The following UGT1A1 variants were observed in gnomAD, a reference collection of about 807,000 sequenced individuals.
UGT1A1 encodes the protein UDP glucuronosyltransferase family 1 member A1.
A neutral mutation model predicts 40.6 loss-of-function variants in UGT1A1; 33 were observed. The observed-to-expected ratio is 0.81, with a 90% confidence interval of 0.62 to 1.09. UGT1A1 has a LOEUF of 1.09. Ranked by LOEUF, UGT1A1 falls within the 50% of genes least tolerant of loss-of-function variation. The pLI is 0.00. For missense variants in UGT1A1, 694 were observed against 671.2 expected, an observed-to-expected ratio of 1.03 and a Z score of -0.38; for synonymous variants, 249 against 265.0, an observed-to-expected ratio of 0.94 and a Z score of 0.59.
At chr2:233,765,738 C>T (rs1341217365) in intron 1 of UGT1A1, among the ~76,000 whole-genome samples, 1 of 147,306 alleles carries the variant, frequency 6.8e-6, no homozygotes, top group Non-Finnish European at 1.5e-5. Flanking sequence ...AATAAATAAA[C>T]CCATAAAGCC....
chr2:233,765,641 G>GGTCA (rs1313587077), intron 1 of UGT1A1, among the ~76,000 whole-genome samples: 3 of 151,492 alleles, frequency 2.0e-5, no homozygotes, highest in Non-Finnish European at 2.9e-5. Flanking sequence ...TTAGAGGATA[G>GGTCA]GTCAATAGGT....
intron 1 of UGT1A1, among the ~76,000 whole-genome samples, chr2:233,763,291 T>C (rs1222576175): frequency 6.6e-6 from 1 of 152,232 alleles, no homozygotes; most frequent in Non-Finnish European, 1.5e-5. Context: ...AAATTCCACT[T>C]TTTGGATATT....
At chr2:233,767,789 A>T (rs1699484858) in intron 2 of UGT1A1, 60 bp from the exon 3 acceptor site, 5 of 1,613,778 alleles carry the variant, frequency 3.1e-6, no homozygotes, top group Non-Finnish European at 4.2e-6. Context: ...AGTATAGCAG[A>T]TTTGTTTTCT....
chr2:233,763,526 C>T (rs17864704), intron 1 of UGT1A1, among the ~76,000 whole-genome samples: 1 of 152,330 alleles, frequency 6.6e-6, no homozygotes, highest in Non-Finnish European at 1.5e-5. Flanking sequence ...TTGCCATTCT[C>T]CTTTTTCCGG....
rs754549295 is a variant in UGT1A1, at chr2:233,768,434, C to A, written c.1299C>A (p.Asp433Glu). 1 of 1,613,634 alleles carries A rather than the reference C, an allele frequency of 6.2e-7. No individual in the cohort carries two copies. Among genetic ancestry groups the A allele is most frequent in the Non-Finnish European group, 8.5e-7 (1 of 1,179,838 alleles). Residue 433 changes from aspartate (D) to glutamate (E), a missense_variant, in exon 4 of 5, where the codon GAC becomes GAA. Coordinates refer to ENST00000305208, the MANE Select transcript of UGT1A1 (RefSeq NM_000463.3). ...LENALKAVIN[D>E]KSYKENIMRL... The stretch of plus-strand genomic sequence containing the variant: ...ATGCTCTAAAAGCAGTCATCAATGA[C>A]AAAAGGTAAGAAAGAAGATACAGAA...
chr2:233,772,831 T>TCACACAAGAAAGCCAGCAAGGAAGCAAGG lies in UGT1A1; in HGVS notation c.*273_*274insACACAAGAAAGCCAGCAAGGAAGCAAGGC. On this transcript the variant is annotated 3_prime_UTR_variant, in exon 5 of 5. Coordinates refer to ENST00000305208, the MANE Select transcript of UGT1A1 (RefSeq NM_000463.3). ...AGAGGACGTGCAGACAGGCTGGCAT[T>TCACACAAGAAAGCCAGCAAGGAAGCAAGG]CTAGATTACTTTTCTTACTCTGAAA... The TCACACAAGAAAGCCAGCAAGGAAGCAAGG allele has an allele frequency of 4.5e-6, 4 of 893,952 alleles. No individual in the cohort carries two copies. Among genetic ancestry groups the TCACACAAGAAAGCCAGCAAGGAAGCAAGG allele is most frequent in the Non-Finnish European group, 6.2e-6 (4 of 642,656 alleles). 55.4% of individuals were successfully genotyped at this position (893,952 alleles called of 1,614,324 possible).
chr2:233,762,058 G>A (rs1697953737), intron 1 of UGT1A1, among the ~76,000 whole-genome samples: 2 of 151,982 alleles, frequency 1.3e-5, no homozygotes, highest in Non-Finnish European at 2.9e-5. Context: ...TTCCTTCATA[G>A]CACATCAAAT....
chr2:233,767,877 CA>C lies in UGT1A1; in HGVS notation c.1026del (p.Ser343ArgfsTer23). On this transcript the variant is annotated frameshift_variant, in exon 3 of 5. Coordinates refer to ENST00000305208, the MANE Select transcript of UGT1A1 (RefSeq NM_000463.3). LOFTEE classifies it high-confidence loss of function. ...TVLWRYTGTR[P>X]SNLANNTILV... Reference sequence around the variant, plus strand: ...CTGTGGCGGTACACTGGAACCCGACCATCGAATCTTGCGAACAACACGATAC... The same window carrying C: ...CTGTGGCGGTACACTGGAACCCGACCTCGAATCTTGCGAACAACACGATAC... 6.2e-7 allele frequency: 1 copy of C among 1,614,140 alleles called. No homozygotes were observed. The highest frequency in any genetic ancestry group is 8.5e-7 in the Non-Finnish European group (1 of 1,180,040).
intron 1 of UGT1A1, among the ~76,000 whole-genome samples, chr2:233,765,334 TAAC>T (rs1239541467): frequency 6.6e-6 from 1 of 152,144 alleles, no homozygotes; most frequent in African/African-American, 2.4e-5. Flanking sequence ...CTATTCACAA[TAAC>T]AAAGTCATGG....
At chr2:233,767,265 T>G in intron 2 of UGT1A1, 100 bp downstream of exon 2, 2 of 1,588,600 alleles carry the variant, frequency 1.3e-6, no homozygotes. Flanking sequence ...GAACCTTAGA[T>G]TTGGCTTTTC....
intron 1 of UGT1A1, among the ~76,000 whole-genome samples, chr2:233,766,494 G>A (rs1250106940): frequency 2.6e-5 from 4 of 152,182 alleles, no homozygotes; most frequent in African/African-American, 9.7e-5. Flanking sequence ...GGCGTGGCAG[G>A]CCAGGGTGGT....
rs797046090 is a variant in UGT1A1, at chr2:233,760,524, C to CCGTA, written c.238_239insGTAC (p.Pro80ArgfsTer16). ...GAGCATTTTACACCTTGAAGACGTA[C>CCGTA]CCTGTGCCATTCCAAAGGGAGGATG... On this transcript the variant is annotated frameshift_variant, in exon 1 of 5. Coordinates refer to ENST00000305208, the MANE Select transcript of UGT1A1 (RefSeq NM_000463.3). LOFTEE classifies it high-confidence loss of function. The CCGTA allele has an allele frequency of 6.2e-7, 1 of 1,614,240 alleles. No homozygotes were observed. The highest frequency in any genetic ancestry group is 1.6e-4 in the Middle Eastern group (1 of 6,062).
intron 1 of UGT1A1, among the ~76,000 whole-genome samples, chr2:233,766,404 G>A (rs990056235): frequency 5.3e-5 from 8 of 152,282 alleles, no homozygotes; most frequent in Non-Finnish European, 1.0e-4. Context: ...GCGTCCCTCC[G>A]CTGATGTGCT....
chr2:233,760,517 A>C lies in UGT1A1; in HGVS notation c.230A>C (p.Lys77Thr). The change falls in exon 1 of 5, where the codon AAG becomes ACG. Residue 77 changes from lysine to threonine, a missense_variant. Coordinates refer to ENST00000305208, the MANE Select transcript of UGT1A1 (RefSeq NM_000463.3). ...YIRDGAFYTL[K>T]TYPVPFQRED... is the part of the protein sequence containing the mutation. ...AGAGACGGAGCATTTTACACCTTGA[A>C]GACGTACCCTGTGCCATTCCAAAGG... is the stretch of plus-strand genomic sequence containing the variant. 6.2e-7 allele frequency: 1 copy of C among 1,614,264 alleles called. No homozygotes were observed. The highest frequency in any genetic ancestry group is 8.5e-7 in the Non-Finnish European group (1 of 1,180,050).
In UGT1A1 at chr2:233,769,631, G is replaced by A. The variant is rs1359038576; in HGVS notation, c.1304+1192G>A. 4 of 1,611,522 alleles carry A rather than the reference G, an allele frequency of 2.5e-6. No individual in the cohort carries two copies. Among genetic ancestry groups the A allele is most frequent in the African/African-American group, 1.3e-5 (1 of 74,932 alleles). ...ACACCAGCTTGAGCAAGGGACAACA[G>A]GGGAGGACTGATGACTGACTTCCCA... is the stretch of plus-strand genomic sequence containing the variant. On this transcript the variant is annotated intron_variant, in intron 4 of 4. Transcript: ENST00000305208. The surrounding 1 kb of genome is among the most constrained non-coding windows in gnomAD (Gnocchi z 4.4).
intron 4 of UGT1A1, among the ~76,000 whole-genome samples, chr2:233,768,959 C>T (rs1259546166): frequency 6.6e-6 from 1 of 152,056 alleles, no homozygotes; most frequent in African/African-American, 2.4e-5. Flanking sequence ...TATAATTTAT[C>T]ATATAATTTA....
rs1699597581 is a variant in UGT1A1 at position 233,768,288 on chromosome 2, G to A, written c.1153G>A (p.Gly385Ser). 4 of 1,614,072 alleles carry A rather than the reference G, an allele frequency of 2.5e-6. No individual in the cohort carries two copies. Among genetic ancestry groups the A allele is most frequent in the Non-Finnish European group, 3.4e-6 (4 of 1,180,052 alleles). ...TGGTGTTTATGAAAGCATATGCAATGGCGTTCCCATGGTGATGATGCCCTT... is the reference window on the plus strand; with the variant it reads ...TGGTGTTTATGAAAGCATATGCAATAGCGTTCCCATGGTGATGATGCCCTT... ...SHGVYESICN[G>S]VPMVMMPLFG... The change falls in exon 4 of 5, where the codon GGC (glycine) becomes AGC (serine). Residue 385 changes from glycine to serine, a missense_variant. Physicochemically the swap from Gly to Ser is moderately conservative, Grantham distance 56. Transcript: ENST00000305208.
chr2:233,760,556 A>G lies in UGT1A1; in HGVS notation c.269A>G (p.Glu90Gly), dbSNP rs1285506084. 1 of 1,614,220 alleles carries G rather than the reference A, an allele frequency of 6.2e-7. No homozygotes were observed. Among genetic ancestry groups the G allele is most frequent in the Admixed American group, 1.7e-5 (1 of 60,030 alleles). Residue 90 changes from glutamate (E) to glycine (G), a missense_variant, in exon 1 of 5, where the codon GAG (glutamate) becomes GGG (glycine). Coordinates refer to ENST00000305208, the MANE Select transcript of UGT1A1 (RefSeq NM_000463.3). ...PVPFQREDVK[E>G]SFVSLGHNVF... ...CCATTCCAAAGGGAGGATGTGAAAG[A>G]GTCTTTTGTTAGTCTCGGGCATAAT...
At chr2:233,768,026 TG>T (rs1699551071) in intron 3 of UGT1A1, 90 bp downstream of exon 3, 2 of 1,613,156 alleles carry the variant, frequency 1.2e-6, no homozygotes, top group Non-Finnish European at 1.7e-6. Context: ...TTGTTGAGCT[TG>T]AAAATATTAT....
Sources: gnomAD v4.1 joint callset for allele counts (sites outside exome capture counted in the v4.1 genomes callset) on GRCh38, gnomAD v4.1.1 for gene constraint, Gnocchi (gnomAD v3.1) non-coding constraint, MANE v1.5 for transcripts, NCBI Gene and HGNC (gene_info 2026-07-23, HGNC 2026-07-21) for gene names.